The following TMEM217 variants were observed in gnomAD, a reference collection of about 807,000 sequenced individuals.
TMEM217 encodes chromosome 6 open reading frame 128.
For synonymous variants in TMEM217, 76 were observed against 88.3 expected, an observed-to-expected ratio of 0.86 and a Z score of 0.78; for missense variants, 204 against 248.8, an observed-to-expected ratio of 0.82 and a Z score of 1.21.
chr6:37,254,933 T>A (rs1187497592), intron 1 of TMEM217, among the ~76,000 whole-genome samples: 1 of 151,926 alleles, frequency 6.6e-6, no homozygotes. Flanking sequence ...TCATAAGGAG[T>A]GCGCAATGCA....
chr6:37,240,335 A>C (rs982935335), intron 1 of TMEM217, among the ~76,000 whole-genome samples: 1 of 152,098 alleles, frequency 6.6e-6, no homozygotes, highest in Non-Finnish European at 1.5e-5. Flanking sequence ...TGTGGGAGGG[A>C]AGTTTCATCC....
At chr6:37,254,249 A>G (rs943744540) in intron 1 of TMEM217, among the ~76,000 whole-genome samples, 2 of 152,188 alleles carry the variant, frequency 1.3e-5, no homozygotes, top group African/African-American at 4.8e-5. Context: ...GCAATATAGT[A>G]TAGGAAGCAC....
intron 1 of TMEM217, among the ~76,000 whole-genome samples, chr6:37,239,304 GATGGCAAAAACCCAT>G (rs1386791330): frequency 6.6e-6 from 1 of 151,772 alleles, no homozygotes; most frequent in African/African-American, 2.4e-5. Flanking sequence ...GCCTGGGCAA[GATGGCAAAAACCCAT>G]CTCTACAAAA....
chr6:37,216,744 T>G (rs537713364), downstream of TMEM217, among the ~76,000 whole-genome samples: 1 of 152,288 alleles, frequency 6.6e-6, no homozygotes, highest in South Asian at 2.1e-4. Context: ...CATTAAAAGA[T>G]GGGGCCTTTA....
At chr6:37,255,964 C>T (rs1003449030) in intron 1 of TMEM217, among the ~76,000 whole-genome samples, 1 of 152,148 alleles carries the variant, frequency 6.6e-6, no homozygotes, top group Non-Finnish European at 1.5e-5. Flanking sequence ...CTGGGTTGAG[C>T]ACTGTTAACT....
chr6:37,257,982 A>G (rs763786817), exon 1 of TMEM217: 1 of 1,613,978 alleles, frequency 6.2e-7, no homozygotes, highest in African/African-American at 1.3e-5. Context: ...AGGTGAGCCC[A>G]GGACGCTGAG....
chr6:37,223,076 C>T (rs530077530), intron 1 of TMEM217, among the ~76,000 whole-genome samples: 25 of 151,962 alleles, frequency 1.6e-4, no homozygotes, highest in African/African-American at 5.1e-4. Context: ...CAGAAATTAT[C>T]CAGAATGTAG....
intron 1 of TMEM217, among the ~76,000 whole-genome samples, chr6:37,219,827 G>A (rs1723449680): frequency 6.6e-6 from 1 of 152,142 alleles, no homozygotes; most frequent in Non-Finnish European, 1.5e-5. Flanking sequence ...GTTCAGACCT[G>A]AGTACAGATG....
intron 1 of TMEM217, among the ~76,000 whole-genome samples, chr6:37,236,255 T>C (rs1764497339): frequency 6.6e-6 from 1 of 152,176 alleles, no homozygotes; most frequent in Non-Finnish European, 1.5e-5. Context: ...CCACGAGTGC[T>C]AGGATTACAG....
intron 1 of TMEM217, among the ~76,000 whole-genome samples, chr6:37,234,760 T>A (rs530753103): frequency 1.8e-4 from 28 of 151,426 alleles, no homozygotes; most frequent in Admixed American, 1.4e-3. Flanking sequence ...AAAATAAATA[T>A]CGGTATACAC....
At chr6:37,221,714 C>T (rs539913880) in intron 1 of TMEM217, among the ~76,000 whole-genome samples, 101 of 152,280 alleles carry the variant, frequency 6.6e-4, no homozygotes, top group Non-Finnish European at 1.3e-3. Context: ...CTGTGGCCAG[C>T]GGCACCTTTG....
At chr6:37,228,874 G>A (rs1292248935) in intron 1 of TMEM217, among the ~76,000 whole-genome samples, 4 of 151,634 alleles carry the variant, frequency 2.6e-5, no homozygotes, top group Non-Finnish European at 5.9e-5. Flanking sequence ...GCGGGTGCCT[G>A]TAGTCCCAGC....
rs115912431 is a variant in TMEM217, at chr6:37,250,637, C to T, written c.-12+6931G>A. ...CAGTGCTTTTCAAACATGCTGATCA[C>T]GACCTCTTATTGAGAAGTACATTTT... On this transcript the variant is annotated intron_variant, in intron 1 of 1. Coordinates refer to ENST00000357219, the Ensembl canonical transcript of TMEM217. Among the ~76,000 whole-genome samples the T allele has an allele frequency of 9.4e-3, 1,429 of 152,360 alleles. 20 individuals are homozygous for T. The highest frequency in any genetic ancestry group is 0.032 in the African/African-American group (1,317 of 41,580).
chr6:37,217,293 CAAAAAT>C (rs1184461129), downstream of TMEM217, among the ~76,000 whole-genome samples: 5 of 152,156 alleles, frequency 3.3e-5, no homozygotes, highest in African/African-American at 1.2e-4. Flanking sequence ...GACTCGGTCT[CAAAAAT>C]AAAAAATGTG....
chr6:37,237,503 A>T (rs1456656009), intron 1 of TMEM217, among the ~76,000 whole-genome samples: 2 of 152,226 alleles, frequency 1.3e-5, no homozygotes, highest in African/African-American at 4.8e-5. Flanking sequence ...AAGATTCAGG[A>T]CTTCATGCAG....
At chr6:37,214,653 T>A (rs1350691455), downstream of TMEM217, among the ~76,000 whole-genome samples, 1 of 152,232 alleles carries the variant, frequency 6.6e-6, no homozygotes, top group African/African-American at 2.4e-5. Flanking sequence ...ATTTGCCTGC[T>A]CTAGGTGTCT....
At chr6:37,231,502 G>A (rs1192388020) in intron 1 of TMEM217, among the ~76,000 whole-genome samples, 1 of 149,744 alleles carries the variant, frequency 6.7e-6, no homozygotes, top group Non-Finnish European at 1.5e-5. Flanking sequence ...GTGAAACCTC[G>A]TCTTCACTAA....
chr6:37,223,660 C>T (rs1307576093), intron 1 of TMEM217, among the ~76,000 whole-genome samples: 1 of 152,054 alleles, frequency 6.6e-6, no homozygotes. Context: ...AAGCGTGTGC[C>T]ACCATGCCCA....
intron 1 of TMEM217, among the ~76,000 whole-genome samples, chr6:37,231,728 T>TTA (rs934100029): frequency 7.5e-5 from 11 of 147,546 alleles, no homozygotes; most frequent in Admixed American, 4.1e-4. Context: ...GTTTTATCTT[T>TTA]TATATATATA....
Sources: gnomAD v4.1 joint callset for allele counts (sites outside exome capture counted in the v4.1 genomes callset) on GRCh38, gnomAD v4.1.1 for gene constraint, MANE v1.5 for transcripts, NCBI Gene and HGNC (gene_info 2026-07-23, HGNC 2026-07-21) for gene names.